CAST: variants seen among roughly 807,000 people sequenced by gnomAD.
The protein encoded by CAST is MIR583 host.
A neutral mutation model predicts 119.6 loss-of-function variants in CAST; 76 were observed. The ratio of observed to expected loss-of-function variants is 0.64; its 90% CI spans 0.53 to 0.77. The LOEUF (loss-of-function observed/expected upper bound fraction) is 0.77. CAST is among the 30% of genes least tolerant of loss of function. The probability of loss-of-function intolerance (pLI) is 0.00; values close to 1 mark genes in which losing one functional copy is unlikely to be tolerated. For synonymous variants in CAST, 319 were observed against 331.6 expected (o/e 0.96, Z 0.41); for missense variants, 953 against 946.5 (o/e 1.01, Z -0.09).
At chr5:96,280,833 T>A in the CAST span, among the ~76,000 whole-genome samples, 4 of 152,264 alleles carry the variant, frequency 2.6e-5, no homozygotes, top group East Asian at 7.7e-4. Flanking sequence ...TTACCTCAAT[T>A]CCTACTCCTA....
At chr5:95,978,111 G>A in the CAST span, among the ~76,000 whole-genome samples, 1 of 152,100 alleles carries the variant, frequency 6.6e-6, no homozygotes, top group Non-Finnish European at 1.5e-5. Flanking sequence ...ATGAACACAC[G>A]TGTGCATGTG....
the CAST span, among the ~76,000 whole-genome samples, chr5:96,203,612 A>T: frequency 6.6e-6 from 1 of 152,038 alleles, no homozygotes; most frequent in Non-Finnish European, 1.5e-5. Flanking sequence ...TCTTTATTTC[A>T]TTGTGATTTC....
At chr5:96,026,880 T>A in the CAST span, among the ~76,000 whole-genome samples, 1 of 152,186 alleles carries the variant, frequency 6.6e-6, no homozygotes, top group Non-Finnish European at 1.5e-5. Flanking sequence ...CTGAAGACTA[T>A]TTTGCAATAT....
intron 1 of CAST, among the ~76,000 whole-genome samples, chr5:96,590,308 G>A (rs1746940700): frequency 6.6e-6 from 1 of 152,170 alleles, no homozygotes; most frequent in African/African-American, 2.4e-5. Flanking sequence ...AAGAAGCATT[G>A]ATATAGTTAA....
rs59338324 is a variant in CAST at position 96,765,327 on chromosome 5, TAAAAAAAAAAAAAAA to T, written c.2037+14_2037+28del. ...AAACCAATGGAAGATAAAGTAAAGG[TAAAAAAAAAAAAAAA>T]AAAAAAAAAAATTCACTAATAGTGA... On this transcript the variant is annotated splice_donor_5th_base_variant and intron_variant, in intron 26 of 31. Transcript: ENST00000675179. The T allele has an allele frequency of 2.3e-4, 120 of 512,284 alleles. 5 individuals are homozygous for T. The East Asian group carries it at 4.5e-3, about 19-fold the overall frequency. 31.7% of individuals were successfully genotyped at this position (512,284 alleles called of 1,614,324 possible). A position where few individuals can be genotyped will look rare whatever the true frequency, so the allele number is the denominator to read the frequency against.
upstream of CAST, among the ~76,000 whole-genome samples, chr5:96,528,448 G>C (rs1307928198): frequency 1.3e-5 from 2 of 152,056 alleles, no homozygotes; most frequent in African/African-American, 2.4e-5. Flanking sequence ...ACCTCCCCTA[G>C]GACCAGAAGA....
chr5:96,108,044 G>A, the CAST span, among the ~76,000 whole-genome samples: 4 of 151,468 alleles, frequency 2.6e-5, no homozygotes, highest in South Asian at 2.1e-4. Flanking sequence ...CATTCTTCAC[G>A]TAGTTCTCGA....
chr5:95,974,882 T>C, the CAST span, among the ~76,000 whole-genome samples: 9 of 152,238 alleles, frequency 5.9e-5, no homozygotes, highest in Non-Finnish European at 1.3e-4. Flanking sequence ...GTACTGGTTT[T>C]TATGAGTTAT....
At chr5:96,195,730 C>T in the CAST span, among the ~76,000 whole-genome samples, 3 of 152,076 alleles carry the variant, frequency 2.0e-5, no homozygotes, top group African/African-American at 4.8e-5. Flanking sequence ...GAGTCATGAC[C>T]GAATTATAAA....
chr5:96,423,554 T>C, the CAST span: 1 of 1,128,528 alleles, frequency 8.9e-7, no homozygotes, highest in African/African-American at 1.5e-5. Context: ...ATCTTTCTTT[T>C]TCCTTGGGTC....
intron 1 of CAST, among the ~76,000 whole-genome samples, chr5:96,637,389 T>C (rs1266679839): frequency 1.3e-5 from 2 of 152,204 alleles, no homozygotes; most frequent in Non-Finnish European, 2.9e-5. Flanking sequence ...GGATTTATAC[T>C]ACCTTTCTGG....
At chr5:95,963,729 T>C in the CAST span, among the ~76,000 whole-genome samples, 122 of 150,128 alleles carry the variant, frequency 8.1e-4, no homozygotes, top group African/African-American at 2.7e-3. Flanking sequence ...CTCTCTCTTT[T>C]TTTTTTTTTT....
the CAST span, among the ~76,000 whole-genome samples, chr5:96,514,816 A>G: frequency 2.0e-5 from 3 of 152,100 alleles, no homozygotes; most frequent in African/African-American, 7.2e-5. Flanking sequence ...CAGTGGCACA[A>G]TCTCTGCTCA....
At chr5:96,190,310 C>T in the CAST span, among the ~76,000 whole-genome samples, 66 of 152,256 alleles carry the variant, frequency 4.3e-4, 1 homozygote, top group Admixed American at 1.3e-3. Flanking sequence ...ATCAGAAGTC[C>T]TGGGGTATGT....
At chr5:96,731,492 CATTT>C (rs1364566026) in intron 9 of CAST, among the ~76,000 whole-genome samples, 10 of 65,020 alleles carry the variant, frequency 1.5e-4, no homozygotes, top group East Asian at 4.1e-4. Flanking sequence ...TTTTTTTTTG[CATTT>C]ATTTATTTAT....
At chr5:96,134,821 A>G in the CAST span, among the ~76,000 whole-genome samples, 1 of 152,210 alleles carries the variant, frequency 6.6e-6, no homozygotes, top group Non-Finnish European at 1.5e-5. Context: ...TCTAGTAGGA[A>G]GAATAGCACA....
At chr5:96,763,308 A>T in intron 25 of CAST, 1 of 778,446 alleles carries the variant, frequency 1.3e-6, no homozygotes, top group Non-Finnish European at 2.4e-6. Flanking sequence ...ATAATCCTGG[A>T]TTATAATAAA....
chr5:96,536,143 A>C (rs1293631784), intron 1 of CAST, among the ~76,000 whole-genome samples: 8 of 145,882 alleles, frequency 5.5e-5, no homozygotes, highest in Non-Finnish European at 7.4e-5. Flanking sequence ...GAATCACCTG[A>C]GGTCAGGAGT....
At chr5:96,461,455 A>G in the CAST span, among the ~76,000 whole-genome samples, 18 of 152,080 alleles carry the variant, frequency 1.2e-4, no homozygotes, top group Admixed American at 3.3e-4. Context: ...CAGCAGCTGC[A>G]CCATTTTTCA....
Sources: gnomAD v4.1 joint callset for allele counts (sites outside exome capture counted in the v4.1 genomes callset) on GRCh38, gnomAD v4.1.1 for gene constraint, MANE v1.5 for transcripts, NCBI Gene and HGNC (gene_info 2026-07-23, HGNC 2026-07-21) for gene names.